Variants in SLC6A16 observed in about 807,000 individuals in gnomAD.
The protein encoded by SLC6A16 is orphan sodium- and chloride-dependent neurotransmitter transporter NTT5.
In SLC6A16, 54 loss-of-function variants were observed where a neutral mutation model predicts 65.4. The ratio of observed to expected loss-of-function variants is 0.83; its 90% CI spans 0.66 to 1.04. The LOEUF is 1.04. Ranked by LOEUF, SLC6A16 falls within the 50% of genes least tolerant of loss-of-function variation. The probability of loss-of-function intolerance (pLI) is 0.00; values close to 1 mark genes in which losing one functional copy is unlikely to be tolerated. For synonymous variants in SLC6A16, 330 were observed against 346.5 expected (o/e 0.95, Z 0.53); for missense variants, 816 against 914.0 (o/e 0.89, Z 1.38).
chr19:49,308,928 A>G lies in SLC6A16; in HGVS notation c.1177T>C (p.Phe393Leu). 6.2e-7 allele frequency: 1 copy of G among 1,614,192 alleles called. No homozygotes were observed. Among genetic ancestry groups the G allele is most frequent in the Non-Finnish European group, 8.5e-7 (1 of 1,180,040 alleles). The change falls in exon 7 of 12, where the codon TTC (phenylalanine) becomes CTC (leucine). Residue 393 changes from phenylalanine to leucine, a missense_variant. Physicochemically the swap from Phe to Leu is conservative, Grantham distance 22. Transcript: ENST00000335875. ...GTCGCCCAGAAGCCCAGGACACAGA[A>G]GTTGAAAGATGTGAAAACCAACAAA... The part of the protein sequence containing the change: ...LTLLVFTSFN[F>L]CVLGFWATVI...
At chr19:49,334,934 G>A in the SLC6A16 span, among the ~76,000 whole-genome samples, 1 of 152,154 alleles carries the variant, frequency 6.6e-6, no homozygotes, top group South Asian at 2.1e-4. Context: ...AGGGAGGATA[G>A]AGACCCCAGG....
the SLC6A16 span, chr19:49,339,646 C>G: frequency 7.0e-7 from 1 of 1,430,440 alleles, no homozygotes; most frequent in Non-Finnish European, 9.1e-7. The surrounding 1 kb of genome is among the most constrained non-coding windows in gnomAD (Gnocchi z 4.5). Flanking sequence ...TCTCCCTCCC[C>G]TTTCTCCGCA....
At chr19:49,327,079 A>ATTT (rs200482962), upstream of SLC6A16, among the ~76,000 whole-genome samples, 14 of 145,030 alleles carry the variant, frequency 9.7e-5, no homozygotes, top group African/African-American at 3.6e-4. Flanking sequence ...TTTCTATCGA[A>ATTT]TTTTTTTTTT....
chr19:49,296,053 G>A (rs1051799749), intron 7 of SLC6A16, among the ~76,000 whole-genome samples: 3 of 152,008 alleles, frequency 2.0e-5, no homozygotes, highest in South Asian at 2.1e-4. Context: ...GCATTGGTGC[G>A]ATCTCCGCTC....
At chr19:49,331,647 A>G in the SLC6A16 span, 8 of 414,736 alleles carry the variant, frequency 1.9e-5, no homozygotes, top group Admixed American at 2.2e-4. Flanking sequence ...TGTAAGTCCA[A>G]GGATAATTCT....
At chr19:49,329,323 G>A (rs1320369720), upstream of SLC6A16, among the ~76,000 whole-genome samples, 7 of 152,046 alleles carry the variant, frequency 4.6e-5, no homozygotes, top group South Asian at 1.0e-3. Context: ...TCCTGACCTC[G>A]TAATCTGCCT....
At chr19:49,291,413 G>A (rs991944795) in intron 10 of SLC6A16, among the ~76,000 whole-genome samples, 1 of 151,826 alleles carries the variant, frequency 6.6e-6, no homozygotes, top group African/African-American at 2.4e-5. Context: ...GCTTATATAC[G>A]TCTTTCTCTT....
the SLC6A16 span, among the ~76,000 whole-genome samples, chr19:49,333,227 CT>C: frequency 3.9e-5 from 6 of 151,984 alleles, no homozygotes; most frequent in African/African-American, 1.4e-4. Flanking sequence ...AATCCCAGCA[CT>C]TGGGGAGGCC....
At chr19:49,338,258 TCCGCCC>T in the SLC6A16 span, 52 of 1,268,268 alleles carry the variant, frequency 4.1e-5, no homozygotes, top group East Asian at 1.1e-3. This position sits in a 1 kb window ranked among gnomAD's most constrained non-coding sequence, Gnocchi z 5.0. Flanking sequence ...CTCGAGAGAC[TCCGCCC>T]CCGCCCCCGC....
intron 7 of SLC6A16, among the ~76,000 whole-genome samples, chr19:49,296,067 G>A (rs1048741558): frequency 6.6e-6 from 1 of 152,112 alleles, no homozygotes; most frequent in African/African-American, 2.4e-5. Flanking sequence ...TCCGCTCACT[G>A]CAACCTCCGC....
the SLC6A16 span, chr19:49,332,223 C>A: frequency 2.2e-6 from 1 of 456,688 alleles, no homozygotes; most frequent in Non-Finnish European, 4.4e-6. Context: ...TCACATGGTG[C>A]TCTCCTCTTC....
chr19:49,303,652 CAA>C (rs59791436), intron 7 of SLC6A16, among the ~76,000 whole-genome samples: 1 of 87,874 alleles, frequency 1.1e-5, no homozygotes. Context: ...GAGACTGTCT[CAA>C]AAAAAAAAAA....
chr19:49,324,909 A>G, intron 1 of SLC6A16, 139 bp downstream of exon 1: 1 of 357,762 alleles, frequency 2.8e-6, no homozygotes, highest in Non-Finnish European at 3.9e-6. Flanking sequence ...CACAGAGCCC[A>G]GGGCAACCAG....
At chr19:49,308,712 G>A (rs1177786054) in intron 7 of SLC6A16, 164 bp downstream of exon 7, 6 of 754,620 alleles carry the variant, frequency 8.0e-6, no homozygotes, top group Non-Finnish European at 1.3e-5. Context: ...TATGATAGGA[G>A]ATTCTATTGT....
At position 49,290,575 on chromosome 19, in the gene SLC6A16, A is replaced by G. The variant is rs1456269808; in HGVS notation, c.1941+30T>C. On this transcript the variant is annotated intron_variant, in intron 11 of 11. Transcript: ENST00000335875. Reference sequence around the variant, plus strand: ...TTGAAAGGTCTGGCCCCTACTCCCAAAGGGGTTCTGGGTCCTGGGGGAGGC... The same window carrying G: ...TTGAAAGGTCTGGCCCCTACTCCCAGAGGGGTTCTGGGTCCTGGGGGAGGC... The G allele has an allele frequency of 6.2e-6, 10 of 1,612,320 alleles. No homozygotes were observed. The Admixed American group carries it at 1.5e-4, about 24-fold the overall frequency.
At chr19:49,334,051 G>A in the SLC6A16 span, among the ~76,000 whole-genome samples, 1 of 152,190 alleles carries the variant, frequency 6.6e-6, no homozygotes, top group African/African-American at 2.4e-5. Context: ...CACTCCCAGG[G>A]ACCTTCCCAC....
chr19:49,338,675 CCT>C, the SLC6A16 span: 1 of 1,549,542 alleles, frequency 6.5e-7, no homozygotes, highest in South Asian at 1.1e-5. This position sits in a 1 kb window ranked among gnomAD's most constrained non-coding sequence, Gnocchi z 5.0. Context: ...AGTCCCGGTC[CCT>C]CTGACTCGTA....
rs1451933107 is a variant in SLC6A16, at chr19:49,309,122, AAG to A, written c.988-7_988-6del. 1 of 1,613,744 alleles carries A rather than the reference AAG, an allele frequency of 6.2e-7. No homozygotes were observed. The highest frequency in any genetic ancestry group is 1.7e-5 in the Admixed American group (1 of 59,992). ...CATATTGTACACATCCGATATCTAA[AAG>A]AGAGAAGACAAGCATAAGGGGGTTG... On this transcript the variant is annotated splice_polypyrimidine_tract_variant and splice_region_variant and intron_variant, in intron 6 of 11. Transcript: ENST00000335875.
At chr19:49,311,581 G>T (rs533469398) in intron 1 of SLC6A16, among the ~76,000 whole-genome samples, 170 bp from the exon 2 acceptor site, 1 of 152,182 alleles carries the variant, frequency 6.6e-6, no homozygotes, top group East Asian at 1.9e-4. Flanking sequence ...TTCACGTGGT[G>T]GCTCACGCTG....
Sources: allele counts gnomAD v4.1 joint callset (sites outside exome capture counted in the v4.1 genomes callset), GRCh38; gene constraint gnomAD v4.1.1; non-coding constraint Gnocchi (gnomAD v3.1); transcripts MANE v1.5; gene names NCBI Gene and HGNC (gene_info 2026-07-23, HGNC 2026-07-21).